The following NPAS2 variants were observed in gnomAD, a reference collection of about 807,000 sequenced individuals.
NPAS2 encodes neuronal PAS domain-containing protein 2.
NPAS2 carries 23 observed loss-of-function variants against 107.5 expected under a neutral mutation model. That is an observed-to-expected ratio of 0.21 (90% confidence interval 0.15 to 0.30). NPAS2 has a LOEUF of 0.30. NPAS2 is among the 10% of genes least tolerant of loss of function. The pLI, the probability that NPAS2 is intolerant of heterozygous loss-of-function variation, is 1.00. For synonymous variants in NPAS2, 403 were observed against 417.5 expected, an observed-to-expected ratio of 0.97 and a Z score of 0.42; for missense variants, 756 against 1,043.3, an observed-to-expected ratio of 0.72 and a Z score of 3.79.
intron 1 of NPAS2, among the ~76,000 whole-genome samples, chr2:100,871,425 G>T (rs1447702212): frequency 6.7e-6 from 1 of 149,908 alleles, no homozygotes; most frequent in African/African-American, 2.5e-5. Context: ...CTGCCTCCCA[G>T]ATTCAAGCGA....
chr2:100,850,654 C>A (rs1335336279), intron 1 of NPAS2, among the ~76,000 whole-genome samples: 2 of 152,034 alleles, frequency 1.3e-5, no homozygotes, highest in African/African-American at 4.8e-5. Flanking sequence ...ATCCTTCAGC[C>A]TTAAAAACGA....
At chr2:100,906,477 T>C (rs979626872) in intron 2 of NPAS2, among the ~76,000 whole-genome samples, 6 of 152,252 alleles carry the variant, frequency 3.9e-5, no homozygotes, top group African/African-American at 1.4e-4. Context: ...CTGTCCTGCT[T>C]TCCTCACTGG....
chr2:100,933,589 A>G (rs1244121926), intron 4 of NPAS2, among the ~76,000 whole-genome samples: 1 of 152,052 alleles, frequency 6.6e-6, no homozygotes, highest in Non-Finnish European at 1.5e-5. Context: ...CCCCATACTC[A>G]TCTACAGGGC....
At chr2:100,833,921 A>G (rs562892689) in intron 1 of NPAS2, among the ~76,000 whole-genome samples, 2 of 152,270 alleles carry the variant, frequency 1.3e-5, no homozygotes, top group Admixed American at 6.5e-5. Flanking sequence ...TTTCAACGGA[A>G]CCAGGAGTTT....
intron 3 of NPAS2, 108 bp from the exon 4 acceptor site, chr2:100,932,802 T>C: frequency 1.3e-6 from 1 of 761,208 alleles, no homozygotes; most frequent in Admixed American, 2.2e-5. Context: ...TAAATTAAAC[T>C]ACACAGAAGT....
chr2:100,944,668 T>C (rs1674778832), intron 5 of NPAS2, among the ~76,000 whole-genome samples: 1 of 152,210 alleles, frequency 6.6e-6, no homozygotes, highest in Non-Finnish European at 1.5e-5. Context: ...GGAAGTAGCA[T>C]AATAGCAATG....
chr2:100,856,675 C>T (rs1678588319), intron 1 of NPAS2, among the ~76,000 whole-genome samples: 1 of 118,302 alleles, frequency 8.5e-6, no homozygotes, highest in Admixed American at 1.3e-4. Flanking sequence ...GCTCGGACTT[C>T]GGAAGCAATG....
chr2:100,936,987 A>G (rs1684351353), intron 4 of NPAS2, among the ~76,000 whole-genome samples: 1 of 151,656 alleles, frequency 6.6e-6, no homozygotes, highest in Non-Finnish European at 1.5e-5. Context: ...CTCAAAAAAA[A>G]AAAAAAAAAA....
intron 2 of NPAS2, among the ~76,000 whole-genome samples, chr2:100,919,842 T>A (rs1431032926): frequency 6.6e-6 from 1 of 152,094 alleles, no homozygotes; most frequent in Non-Finnish European, 1.5e-5. Flanking sequence ...CTCTAGGGGC[T>A]CCGTGGCTGG....
At chr2:100,882,342 G>T (rs773450295) in intron 1 of NPAS2, among the ~76,000 whole-genome samples, 3 of 152,222 alleles carry the variant, frequency 2.0e-5, no homozygotes, top group East Asian at 3.9e-4. Context: ...GGGCGCAGTG[G>T]CTCATGCCTG....
At chr2:100,975,871 A>C (rs527969274) in intron 14 of NPAS2, among the ~76,000 whole-genome samples, 1 of 152,342 alleles carries the variant, frequency 6.6e-6, no homozygotes, top group South Asian at 2.1e-4. Flanking sequence ...CTGGGGCTAC[A>C]CAATTAGGAT....
intron 1 of NPAS2, among the ~76,000 whole-genome samples, chr2:100,852,783 G>GT (rs1678286019): frequency 6.6e-6 from 1 of 152,152 alleles, no homozygotes; most frequent in African/African-American, 2.4e-5. Context: ...AAAATCGCAA[G>GT]TATGGACCCT....
Position 100,820,588 on chromosome 2 carries a change from G to C in NPAS2, c.-23+174G>C, listed in dbSNP as rs1197639102. Among the ~76,000 whole-genome samples, 4 of 152,064 alleles carry C rather than the reference G, an allele frequency of 2.6e-5. No homozygotes were observed. Among genetic ancestry groups the C allele is most frequent in the Admixed American group, 2.0e-4 (3 of 15,282 alleles). ...CCGGACGCGGGGGCGCGGAGAGGTG[G>C]GTTCCCCTCCACAGTCAGGCCGCTG... On this transcript the variant is annotated intron_variant, in intron 1 of 20. Transcript: ENST00000335681. This position sits in a 1 kb window ranked among gnomAD's most constrained non-coding sequence, Gnocchi z 5.6.
At chr2:100,830,486 A>G (rs1219314492) in intron 1 of NPAS2, among the ~76,000 whole-genome samples, 2 of 59,502 alleles carry the variant, frequency 3.4e-5, no homozygotes, top group African/African-American at 1.4e-4. Flanking sequence ...CCGACCCCAC[A>G]ACAGGCCCTG....
chr2:100,991,182 C>T (rs7567171), intron 19 of NPAS2, among the ~76,000 whole-genome samples: 4,500 of 152,266 alleles, frequency 0.03, 237 homozygotes, highest in African/African-American at 0.1. Context: ...CCCCTGGAGA[C>T]ATCCCCCTTC....
chr2:100,917,217 A>C (rs957242155), intron 2 of NPAS2, among the ~76,000 whole-genome samples: 5 of 152,222 alleles, frequency 3.3e-5, no homozygotes, highest in Admixed American at 1.3e-4. Context: ...AAAATCAACT[A>C]AACTAAAAGG....
intron 3 of NPAS2, among the ~76,000 whole-genome samples, chr2:100,931,762 GC>G (rs1229855997): frequency 1.3e-5 from 2 of 152,124 alleles, no homozygotes; most frequent in African/African-American, 4.8e-5. Context: ...GGGATTACAG[GC>G]GTGAGCCACC....
chr2:100,828,403 T>C (rs1294403640), intron 1 of NPAS2, among the ~76,000 whole-genome samples: 2 of 152,212 alleles, frequency 1.3e-5, no homozygotes, highest in Non-Finnish European at 2.9e-5. Flanking sequence ...AGAAGCTCTT[T>C]AGTTTAATTA....
At chr2:100,888,746 G>A (rs1219796748) in intron 1 of NPAS2, among the ~76,000 whole-genome samples, 3 of 152,146 alleles carry the variant, frequency 2.0e-5, no homozygotes, top group Admixed American at 6.5e-5. Flanking sequence ...GATTTTGTGT[G>A]TAGCAACATG....
Sources: gnomAD v4.1 joint callset for allele counts (sites outside exome capture counted in the v4.1 genomes callset) on GRCh38, gnomAD v4.1.1 for gene constraint, Gnocchi (gnomAD v3.1) non-coding constraint, MANE v1.5 for transcripts, NCBI Gene and HGNC (gene_info 2026-07-23, HGNC 2026-07-21) for gene names.